RBFOX1: variants seen among roughly 807,000 people sequenced by gnomAD.
RBFOX1 encodes RNA binding fox-1 homolog 1.
A neutral mutation model predicts 57.7 loss-of-function variants in RBFOX1; 8 were observed. The observed-to-expected ratio is 0.14, with a 90% CI of 0.08 to 0.25. The LOEUF is 0.25. RBFOX1 is among the 10% of genes least tolerant of loss of function. The pLI is 1.00. For synonymous variants in RBFOX1, 326 were observed against 222.4 expected (o/e 1.47, Z -4.15); for missense variants, 611 against 548.5 (o/e 1.11, Z -1.14).
intron 4 of RBFOX1, among the ~76,000 whole-genome samples, chr16:5,984,901 T>C (rs545418306): frequency 1.1e-4 from 15 of 139,272 alleles, no homozygotes; most frequent in Admixed American, 8.9e-4. Flanking sequence ...AAAGGTACAG[T>C]AAAAAGACAG....
At chr16:6,158,710 G>C (rs1204646221) in intron 1 of RBFOX1, among the ~76,000 whole-genome samples, 8 of 152,146 alleles carry the variant, frequency 5.3e-5, no homozygotes, top group Non-Finnish European at 1.2e-4. Flanking sequence ...AAGACATTTT[G>C]CTGTGTGTAT....
chr16:7,216,232 A>G (rs1247924329), intron 4 of RBFOX1, among the ~76,000 whole-genome samples: 1 of 152,178 alleles, frequency 6.6e-6, no homozygotes, highest in East Asian at 1.9e-4. Context: ...GAATCATGCC[A>G]CTATCTGCAT....
intron 2 of RBFOX1, among the ~76,000 whole-genome samples, chr16:6,557,140 C>CAT (rs2097115164): frequency 7.0e-6 from 1 of 143,448 alleles, no homozygotes; most frequent in Admixed American, 7.0e-5. Context: ...TACATATATA[C>CAT]ATATATACAC....
intron 1 of RBFOX1, among the ~76,000 whole-genome samples, chr16:5,433,901 C>T (rs2151519763): frequency 6.6e-6 from 1 of 152,314 alleles, no homozygotes; most frequent in South Asian, 2.1e-4. Context: ...AGAGACAAGA[C>T]AACAACCCTG....
intron 5 of RBFOX1, among the ~76,000 whole-genome samples, chr16:7,531,745 T>C (rs530749212): frequency 9.3e-4 from 142 of 152,340 alleles, no homozygotes; most frequent in African/African-American, 3.3e-3. Context: ...ATTACCCCGT[T>C]AGTAGTTTAT....
intron 3 of RBFOX1, among the ~76,000 whole-genome samples, chr16:7,007,998 G>C (rs1259403837): frequency 6.6e-6 from 1 of 152,150 alleles, no homozygotes; most frequent in South Asian, 2.1e-4. Flanking sequence ...AATAAAACCA[G>C]TATAATGTTG....
intron 1 of RBFOX1, among the ~76,000 whole-genome samples, chr16:6,278,411 A>C (rs2076055241): frequency 8.0e-6 from 1 of 124,926 alleles, no homozygotes; most frequent in African/African-American, 2.7e-5. Flanking sequence ...AAAAAAAAAA[A>C]ATAGAGGCAC....
At chr16:7,305,609 T>A (rs2096162274) in intron 4 of RBFOX1, among the ~76,000 whole-genome samples, 1 of 152,180 alleles carries the variant, frequency 6.6e-6, no homozygotes, top group Admixed American at 6.5e-5. Context: ...GTGGCCCTCT[T>A]CCCCAAGACC....
chr16:6,193,088 A>G (rs959038465), intron 1 of RBFOX1, among the ~76,000 whole-genome samples: 7 of 151,880 alleles, frequency 4.6e-5, no homozygotes, highest in Non-Finnish European at 1.0e-4. Context: ...CCGAAGATTC[A>G]TCTCTAACTC....
chr16:7,291,733 C>T (rs949335668), intron 4 of RBFOX1, among the ~76,000 whole-genome samples: 2 of 151,794 alleles, frequency 1.3e-5, no homozygotes, highest in African/African-American at 2.4e-5. Context: ...TCCTGAGATG[C>T]AGCCTGTGAG....
At chr16:6,948,928 T>C (rs1395199252) in intron 3 of RBFOX1, among the ~76,000 whole-genome samples, 4 of 152,162 alleles carry the variant, frequency 2.6e-5, no homozygotes, top group Admixed American at 2.6e-4. Context: ...GAGTGGGTTA[T>C]ACCATCCTAC....
chr16:5,896,111 A>G (rs548153694), intron 4 of RBFOX1, among the ~76,000 whole-genome samples: 1 of 152,254 alleles, frequency 6.6e-6, no homozygotes, highest in African/African-American at 2.4e-5. Context: ...CTAAATTAGT[A>G]TAAGGAAGGG....
intron 3 of RBFOX1, among the ~76,000 whole-genome samples, chr16:5,614,533 G>T (rs944452872): frequency 6.6e-6 from 1 of 151,932 alleles, no homozygotes; most frequent in Non-Finnish European, 1.5e-5. Flanking sequence ...CTCCTGATTT[G>T]TCACTCCCTG....
At chr16:5,922,963 G>A (rs902559585) in intron 4 of RBFOX1, among the ~76,000 whole-genome samples, 3 of 152,188 alleles carry the variant, frequency 2.0e-5, no homozygotes, top group Non-Finnish European at 4.4e-5. Context: ...TTCTTCCCAA[G>A]TTGAGCAGAG....
chr16:6,701,886 C>T (rs749732220), intron 3 of RBFOX1, among the ~76,000 whole-genome samples: 7 of 152,042 alleles, frequency 4.6e-5, no homozygotes, highest in Non-Finnish European at 7.4e-5. Context: ...CTTATAAATG[C>T]GATCTAAACA....
Position 6,622,473 on chromosome 16 carries a change from A to G in RBFOX1, c.-63-32130A>G, listed in dbSNP as rs190948447. ...CTAGGAGCAATAGGCTAGACCATAT[A>G]GAGTGTGTGTGTGTAGTAGGCTACA... On this transcript the variant is annotated intron_variant, in intron 2 of 15. Transcript: ENST00000550418. Among the ~76,000 whole-genome samples, 894 of 152,306 alleles carry G rather than the reference A, an allele frequency of 5.9e-3. 9 individuals are homozygous for G. Among genetic ancestry groups the G allele is most frequent in the Non-Finnish European group, 8.4e-3 (571 of 68,036 alleles).
intron 3 of RBFOX1, among the ~76,000 whole-genome samples, chr16:6,895,827 C>G (rs997140371): frequency 1.1e-4 from 17 of 151,970 alleles, no homozygotes; most frequent in African/African-American, 3.9e-4. Flanking sequence ...TTTGTTTAAA[C>G]CTCTTGGGAT....
At chr16:6,708,189 AG>A (rs1313714253) in intron 3 of RBFOX1, among the ~76,000 whole-genome samples, 1 of 151,948 alleles carries the variant, frequency 6.6e-6, no homozygotes, top group Non-Finnish European at 1.5e-5. Flanking sequence ...TTTCTTATTA[AG>A]CCCCCTCCTT....
Position 7,518,131 on chromosome 16 carries a change from C to A in RBFOX1, c.28-16C>A, listed in dbSNP as rs760251480. The A allele has an allele frequency of 4.4e-6, 7 of 1,604,570 alleles. No individual in the cohort carries two copies. Among genetic ancestry groups the A allele is most frequent in the African/African-American group, 1.3e-5 (1 of 74,712 alleles). Reference sequence around the variant, plus strand: ...CATGACGTTCTCTCCCTCTCTGCACCTTTTTGATTTTTCAGGGTAATCAGG... The same window carrying A: ...CATGACGTTCTCTCCCTCTCTGCACATTTTTGATTTTTCAGGGTAATCAGG... On this transcript the variant is annotated splice_polypyrimidine_tract_variant and intron_variant, in intron 4 of 15. Transcript: ENST00000550418.
Sources: gnomAD v4.1 joint callset for allele counts (sites outside exome capture counted in the v4.1 genomes callset) on GRCh38, gnomAD v4.1.1 for gene constraint, MANE v1.5 for transcripts, NCBI Gene and HGNC (gene_info 2026-07-23, HGNC 2026-07-21) for gene names.